Variants in RABGAP1L observed in about 807,000 individuals in gnomAD.
RABGAP1L encodes RAB GTPase activating protein 1 like.
Under a neutral mutation model 137.7 loss-of-function variants are expected in RABGAP1L, and 63 were observed. The ratio of observed to expected loss-of-function variants is 0.46; its 90% CI spans 0.37 to 0.56. The LOEUF (loss-of-function observed/expected upper bound fraction) is 0.56. Among genes scored for constraint, RABGAP1L ranks in the 20% least tolerant of loss-of-function variants. The pLI is 0.00. For missense variants in RABGAP1L, 1,095 were observed against 1,244.0 expected (o/e 0.88, Z 1.80); for synonymous variants, 431 against 433.7 (o/e 0.99, Z 0.08).
At chr1:174,539,670 A>G (rs913582989) in intron 13 of RABGAP1L, among the ~76,000 whole-genome samples, 1 of 152,088 alleles carries the variant, frequency 6.6e-6, no homozygotes. Flanking sequence ...TATGTGCCAC[A>G]TTTTCTTAAT....
chr1:174,489,001 A>C (rs561497912), intron 13 of RABGAP1L, among the ~76,000 whole-genome samples: 1 of 142,878 alleles, frequency 7.0e-6, no homozygotes, highest in South Asian at 2.2e-4. Context: ...CCCACCTATG[A>C]GTGAGAACAT....
chr1:174,568,265 A>G (rs1667715045), intron 13 of RABGAP1L, among the ~76,000 whole-genome samples: 1 of 152,166 alleles, frequency 6.6e-6, no homozygotes, highest in Non-Finnish European at 1.5e-5. Context: ...GTGCTAAGCC[A>G]TTTATGAGGG....
At chr1:174,854,501 A>G (rs1051785154) in intron 19 of RABGAP1L, among the ~76,000 whole-genome samples, 3 of 152,062 alleles carry the variant, frequency 2.0e-5, no homozygotes, top group Admixed American at 6.6e-5. Flanking sequence ...GAGCAAGAAT[A>G]TATTTTGGGT....
intron 1 of RABGAP1L, among the ~76,000 whole-genome samples, chr1:174,189,458 C>G (rs529243474): frequency 4.9e-4 from 74 of 152,336 alleles, no homozygotes; most frequent in African/African-American, 1.6e-3. Flanking sequence ...TTTATACTTA[C>G]ATGTCATGGA....
intron 18 of RABGAP1L, among the ~76,000 whole-genome samples, chr1:174,791,282 A>G (rs1294729672): frequency 1.3e-5 from 2 of 152,214 alleles, no homozygotes; most frequent in South Asian, 2.1e-4. Flanking sequence ...GGGTTGGCCC[A>G]TATAACTCCT....
At chr1:174,367,212 C>G (rs1016798936) in intron 11 of RABGAP1L, 1 of 152,688 alleles carries the variant, frequency 6.5e-6, no homozygotes, top group Non-Finnish European at 1.5e-5. Context: ...TTTTCCAACA[C>G]TATTTATGTC....
intron 13 of RABGAP1L, among the ~76,000 whole-genome samples, chr1:174,403,206 A>AGT (rs1467034176): frequency 1.1e-5 from 1 of 91,988 alleles, no homozygotes; most frequent in African/African-American, 4.1e-5. Flanking sequence ...GTTATATATG[A>AGT]GAGTGTGTGT....
At chr1:174,361,840 G>T (rs898442843) in intron 11 of RABGAP1L, among the ~76,000 whole-genome samples, 2 of 152,148 alleles carry the variant, frequency 1.3e-5, no homozygotes, top group African/African-American at 4.8e-5. Context: ...ATAGGTAAAT[G>T]TGTGTCATGG....
intron 1 of RABGAP1L, among the ~76,000 whole-genome samples, chr1:174,162,659 T>TC (rs1472402833): frequency 6.6e-6 from 1 of 151,862 alleles, no homozygotes; most frequent in Non-Finnish European, 1.5e-5. Context: ...TTTAATGAGT[T>TC]CTATATTTTT....
At chr1:174,444,412 T>A (rs1654504695) in intron 13 of RABGAP1L, among the ~76,000 whole-genome samples, 1 of 152,064 alleles carries the variant, frequency 6.6e-6, no homozygotes, top group Non-Finnish European at 1.5e-5. Context: ...TTTTGTTGTA[T>A]GTGTCCATGT....
chr1:174,396,652 CT>C lies in RABGAP1L; in HGVS notation c.1710+2513del, dbSNP rs532000729. On this transcript the variant is annotated intron_variant, in intron 13 of 25. Coordinates refer to ENST00000681986, the MANE Select transcript of RABGAP1L (RefSeq NM_001366446.1). ...GGGGTAGGAGGTAACTGCCATACCC[CT>C]TTTTTCACTAAGAGGCTTTCATAAT... Among the ~76,000 whole-genome samples, 757 of 151,830 alleles carry C rather than the reference CT, an allele frequency of 5.0e-3. 8 individuals carry two copies. Among genetic ancestry groups the C allele is most frequent in the Non-Finnish European group, 4.0e-3 (270 of 67,976 alleles).
intron 13 of RABGAP1L, among the ~76,000 whole-genome samples, chr1:174,633,387 T>C (rs1181371484): frequency 6.7e-6 from 1 of 149,462 alleles, no homozygotes; most frequent in Non-Finnish European, 1.5e-5. Flanking sequence ...TAAAAGAGGA[T>C]ACAAACAAAT....
intron 14 of RABGAP1L, among the ~76,000 whole-genome samples, chr1:174,669,922 A>G (rs1189721736): frequency 2.0e-5 from 3 of 152,170 alleles, no homozygotes; most frequent in Admixed American, 1.3e-4. Flanking sequence ...TGATGCTTCC[A>G]GCTTTGTTCT....
At chr1:174,605,135 T>C (rs1670691124) in intron 13 of RABGAP1L, among the ~76,000 whole-genome samples, 1 of 150,800 alleles carries the variant, frequency 6.6e-6, no homozygotes, top group Non-Finnish European at 1.5e-5. Flanking sequence ...AGTGAGACCC[T>C]GTCTCAAAAC....
At chr1:174,493,896 T>G (rs1463971209) in intron 13 of RABGAP1L, among the ~76,000 whole-genome samples, 1 of 151,842 alleles carries the variant, frequency 6.6e-6, no homozygotes, top group African/African-American at 2.4e-5. Flanking sequence ...AAGTAAGGTA[T>G]TTGAGGTTTA....
At position 174,316,562 on chromosome 1, in the gene RABGAP1L, T is replaced by C. The variant is rs554268598; in HGVS notation, c.1465+11435T>C. Among the ~76,000 whole-genome samples the C allele has an allele frequency of 2.0e-5, 3 of 152,266 alleles. No homozygotes were observed. In the East Asian group the frequency reaches 5.8e-4, roughly 29 times the overall value. On this transcript the variant is annotated intron_variant, in intron 11 of 25. Transcript: ENST00000681986. ...TGGATTACCATGCAGAGACTCTTGT[T>C]CTCTTTTCTTACTTTCTCCCAAACA...
chr1:174,775,241 A>C (rs1056718168), intron 18 of RABGAP1L, among the ~76,000 whole-genome samples: 2 of 152,204 alleles, frequency 1.3e-5, no homozygotes, highest in African/African-American at 2.4e-5. Context: ...CAAGGGAACT[A>C]GGAAATAATT....
chr1:174,658,318 C>T (rs1676110962), intron 14 of RABGAP1L, among the ~76,000 whole-genome samples: 1 of 152,062 alleles, frequency 6.6e-6, no homozygotes, highest in African/African-American at 2.4e-5. Context: ...GCTGATGTCA[C>T]TGCCCATATT....
intron 17 of RABGAP1L, among the ~76,000 whole-genome samples, chr1:174,716,048 T>C (rs1680975938): frequency 6.6e-6 from 1 of 152,276 alleles, no homozygotes; most frequent in Non-Finnish European, 1.5e-5. Flanking sequence ...ATGCTTTACA[T>C]CATCTCTAGA....
Sources: allele counts gnomAD v4.1 joint callset (sites outside exome capture counted in the v4.1 genomes callset), GRCh38; gene constraint gnomAD v4.1.1; transcripts MANE v1.5; gene names NCBI Gene and HGNC (gene_info 2026-07-23, HGNC 2026-07-21).